ZNF106: variants seen among roughly 807,000 people sequenced by gnomAD.
The protein encoded by ZNF106 is zinc finger protein 106.
In ZNF106, 67 loss-of-function variants were observed where a neutral mutation model predicts 195.1. The observed-to-expected ratio is 0.34, with a 90% CI of 0.28 to 0.42. The LOEUF (loss-of-function observed/expected upper bound fraction) is 0.42, where lower values mean the gene tolerates loss of function less well. Among genes scored for constraint, ZNF106 ranks in the 10% least tolerant of loss-of-function variants. The pLI, the probability that ZNF106 is intolerant of heterozygous loss-of-function variation, is 1.00. For synonymous variants in ZNF106, 784 were observed against 818.6 expected (o/e 0.96, Z 0.72); for missense variants, 2,118 against 2,304.5 (o/e 0.92, Z 1.66).
chr15:42,451,270 T>C lies in ZNF106; in HGVS notation c.1002A>G (p.Leu334=). 6.2e-7 allele frequency: 1 copy of C among 1,614,178 alleles called. No individual in the cohort carries two copies. The highest frequency in any genetic ancestry group is 8.5e-7 in the Non-Finnish European group (1 of 1,180,028). Residue 334 remains leucine (L), a synonymous_variant, in exon 5 of 22, where the codon TTA becomes TTG. Transcript: ENST00000564754. ...CCAGCTGCTCAAAATTGAAGTCGAG[T>C]AAGCCTTCTGAAGGAAATTTATCAC... The part of the protein sequence containing the change: ...FTSDKFPSEG[L]LDFNFEQLES...
intron 1 of ZNF106, among the ~76,000 whole-genome samples, chr15:42,481,662 T>C (rs969304929): frequency 3.3e-5 from 5 of 152,088 alleles, no homozygotes; most frequent in African/African-American, 1.2e-4. Flanking sequence ...CCCGGTCCCA[T>C]ATTCTTTCTT....
Position 42,442,218 on chromosome 15 carries a change from A to G in ZNF106, c.3618T>C (p.Thr1206=). The G allele has an allele frequency of 6.2e-7, 1 of 1,614,192 alleles. No homozygotes were observed. Among genetic ancestry groups the G allele is most frequent in the Non-Finnish European group, 8.5e-7 (1 of 1,180,010 alleles). The part of the protein sequence containing the change: ...GASLQITTSP[T]FQTHGSVPAP... Reference sequence around the variant, plus strand: ...CAGGGACACTGCCATGGGTTTGGAAAGTAGGAGACGTGGTTATTTGAAGAG... The same window carrying G: ...CAGGGACACTGCCATGGGTTTGGAAGGTAGGAGACGTGGTTATTTGAAGAG... The change falls in exon 10 of 22, where the codon ACT becomes ACC. Residue 1206 remains threonine, a synonymous_variant. Transcript: ENST00000564754.
At chr15:42,470,636 T>G (rs2056645484) in intron 2 of ZNF106, among the ~76,000 whole-genome samples, 1 of 152,162 alleles carries the variant, frequency 6.6e-6, no homozygotes, top group Admixed American at 6.6e-5. Flanking sequence ...AAAAGTATGT[T>G]TGAAACCAGA....
At chr15:42,423,702 T>G (rs1010481541) in intron 17 of ZNF106, among the ~76,000 whole-genome samples, 1 of 152,156 alleles carries the variant, frequency 6.6e-6, no homozygotes, top group Non-Finnish European at 1.5e-5. Flanking sequence ...CTAGTTCTAT[T>G]TTAACTACAT....
At chr15:42,422,157 C>T (rs2054687001) in intron 18 of ZNF106, among the ~76,000 whole-genome samples, 169 bp from the exon 19 acceptor site, 1 of 152,090 alleles carries the variant, frequency 6.6e-6, no homozygotes, top group South Asian at 2.1e-4. Context: ...CTTTTACATT[C>T]TACTACTCAA....
intron 9 of ZNF106, among the ~76,000 whole-genome samples, chr15:42,442,727 C>T (rs1025442546): frequency 1.3e-5 from 2 of 151,510 alleles, no homozygotes; most frequent in Non-Finnish European, 2.9e-5. Flanking sequence ...AGCAATTCTC[C>T]TGCCTCAGCC....
intron 1 of ZNF106, among the ~76,000 whole-genome samples, chr15:42,483,614 C>A (rs1371230543): frequency 6.6e-6 from 1 of 152,188 alleles, no homozygotes; most frequent in Non-Finnish European, 1.5e-5. Flanking sequence ...CTATTAAAAG[C>A]CCTTCAAAGG....
In ZNF106 at chr15:42,415,324, G is replaced by A. The variant is rs944259761; in HGVS notation, c.*1980C>T. Reference sequence around the variant, plus strand: ...TTTAATAGAGACGGGGTTTCACTATGTTGGCCAGGCTGGTCTCAAATGCCT... The same window carrying A: ...TTTAATAGAGACGGGGTTTCACTATATTGGCCAGGCTGGTCTCAAATGCCT... On this transcript the variant is annotated 3_prime_UTR_variant, in exon 22 of 22. Transcript: ENST00000564754. 14 of 403,462 alleles carry A rather than the reference G, an allele frequency of 3.5e-5. No homozygotes were observed. The highest frequency in any genetic ancestry group is 4.9e-6 in the Non-Finnish European group (1 of 203,604). The allele number at this position is 403,462 out of a possible 1,614,324, so 25.0% of individuals were successfully genotyped here.
At chr15:42,423,893 G>A (rs937333571) in intron 17 of ZNF106, 105 bp downstream of exon 17, 14 of 1,027,576 alleles carry the variant, frequency 1.4e-5, no homozygotes, top group Middle Eastern at 2.1e-4. Context: ...GAATCCCTTC[G>A]GTGGATAAAG....
chr15:42,472,666 A>C (rs2056701266), intron 1 of ZNF106, among the ~76,000 whole-genome samples: 1 of 152,136 alleles, frequency 6.6e-6, no homozygotes, highest in Non-Finnish European at 1.5e-5. Flanking sequence ...TGATTCTCAA[A>C]ACAGTGTTTT....
chr15:42,434,306 G>A (rs2055185202), intron 14 of ZNF106, among the ~76,000 whole-genome samples: 1 of 152,150 alleles, frequency 6.6e-6, no homozygotes. Flanking sequence ...GAGCAACATG[G>A]TGAGACCCTG....
In ZNF106 at chr15:42,450,755, G is replaced by C. The variant is rs1259625275; in HGVS notation, c.1517C>G (p.Pro506Arg). 6.2e-7 allele frequency: 1 copy of C among 1,614,086 alleles called. No individual in the cohort carries two copies. The highest frequency in any genetic ancestry group is 2.2e-5 in the East Asian group (1 of 44,878). ...SKNTKTNFFSPGEHSNPSNKP... is the reference protein window; with the variant it reads ...SKNTKTNFFSRGEHSNPSNKP... ...GTTCGAGGGATTTGAGTGTTCTCCA[G>C]GGGAAAAAAAATTTGTTTTGGTGTT... Residue 506 changes from proline (P) to arginine (R), a missense_variant, in exon 5 of 22, where the codon CCT (proline) becomes CGT (arginine). Transcript: ENST00000564754.
At chr15:42,425,641 A>G (rs2141271895) in intron 15 of ZNF106, 1 of 152,400 alleles carries the variant, frequency 6.6e-6, no homozygotes, top group Non-Finnish European at 1.5e-5. Context: ...AGCTGGGATT[A>G]CAGGCGCCCG....
intron 12 of ZNF106, among the ~76,000 whole-genome samples, chr15:42,437,892 G>C (rs994714682): frequency 7.1e-6 from 1 of 140,546 alleles, no homozygotes; most frequent in African/African-American, 2.7e-5. Flanking sequence ...GGGCGACAAC[G>C]ACTCCGTCTC....
chr15:42,481,625 T>C (rs1439669241), intron 1 of ZNF106, among the ~76,000 whole-genome samples: 2 of 152,094 alleles, frequency 1.3e-5, no homozygotes, highest in East Asian at 1.9e-4. Flanking sequence ...TCCCAAAGTG[T>C]TGGGATTACA....
In ZNF106 at chr15:42,417,940, G is replaced by A; in HGVS notation, c.5529C>T (p.Cys1843=). 6.2e-7 allele frequency: 1 copy of A among 1,613,296 alleles called. No homozygotes were observed. The change falls in exon 21 of 22, where the codon TGC becomes TGT. Residue 1843 remains cysteine (C), a synonymous_variant. Transcript: ENST00000564754. ...GATCTACAACGCCAAATATCAGAGA[G>A]CAACCATGCCACTGGAGAGAAAGAA... The part of the protein sequence containing the change: ...MQNYRCWWHG[C]SLIFGVVDHL...
In ZNF106 at chr15:42,451,245, C is replaced by T; in HGVS notation, c.1027G>A (p.Glu343Lys). 1 of 1,614,114 alleles carries T rather than the reference C, an allele frequency of 6.2e-7. No homozygotes were observed. The highest frequency in any genetic ancestry group is 8.5e-7 in the Non-Finnish European group (1 of 1,180,022). ...TCTGCTTGTTTAGTGGTTTGGCTTT[C>T]CAGCTGCTCAAAATTGAAGTCGAGT... ...GLLDFNFEQL[E>K]SQTTKQADTA... Residue 343 changes from glutamate to lysine, a missense_variant, in exon 5 of 22, where the codon GAA becomes AAA. Transcript: ENST00000564754.
At chr15:42,421,022 C>A in intron 20 of ZNF106, 39 bp downstream of exon 20, 1 of 1,591,664 alleles carries the variant, frequency 6.3e-7, no homozygotes, top group Non-Finnish European at 8.6e-7. Context: ...GTGAAGCAAC[C>A]TATAGAAGTC....
chr15:42,438,666 C>T lies in ZNF106; in HGVS notation c.4546G>A (p.Val1516Met). ...GAGATCACAGTCTGAGTTTCTGCCA[C>T]ACTACAAAATAATAGCAAAAGTGTT... is the stretch of plus-strand genomic sequence containing the variant. Reference protein sequence around the residue: ...TRYKDGIPVSVAETQTVISSI... With the variant: ...TRYKDGIPVSMAETQTVISSI... The change falls in exon 12 of 22, where the codon GTG (valine) becomes ATG (methionine). Residue 1516 changes from valine to methionine, a missense_variant and splice_region_variant. Transcript: ENST00000564754. 6.2e-7 allele frequency: 1 copy of T among 1,613,570 alleles called. No individual in the cohort carries two copies. Among genetic ancestry groups the T allele is most frequent in the Non-Finnish European group, 8.5e-7 (1 of 1,179,672 alleles).
Sources: gnomAD v4.1 joint callset for allele counts (sites outside exome capture counted in the v4.1 genomes callset) on GRCh38, gnomAD v4.1.1 for gene constraint, MANE v1.5 for transcripts, NCBI Gene and HGNC (gene_info 2026-07-23, HGNC 2026-07-21) for gene names.